The following CCDC169 variants were observed in gnomAD, a reference collection of about 807,000 sequenced individuals.
The protein encoded by CCDC169 is coiled-coil domain-containing protein 169.
A neutral mutation model predicts 36.0 loss-of-function variants in CCDC169; 30 were observed. That is an observed-to-expected ratio of 0.83 (90% CI 0.62 to 1.13). The LOEUF (loss-of-function observed/expected upper bound fraction) is 1.13. Ranked by LOEUF, CCDC169 falls within the 50% of genes most tolerant of loss-of-function variation. The pLI is 0.00. For synonymous variants in CCDC169, 85 were observed against 81.5 expected (o/e 1.04, Z -0.23); for missense variants, 245 against 245.9 (o/e 1.00, Z 0.03).
chr13:36,226,978 TA>T, downstream of CCDC169: 1 of 422,802 alleles, frequency 2.4e-6, no homozygotes, highest in Non-Finnish European at 4.2e-6. Context: ...GAAGAAAAAA[TA>T]AAATCCTTAT....
At chr13:36,279,712 G>A (rs1336083242) in intron 4 of CCDC169, among the ~76,000 whole-genome samples, 1 of 152,146 alleles carries the variant, frequency 6.6e-6, no homozygotes, top group Admixed American at 6.5e-5. Context: ...GCTTCTGCCT[G>A]TTTTTGTAAA....
At chr13:36,273,176 G>A (rs1487241871) in intron 4 of CCDC169, among the ~76,000 whole-genome samples, 1 of 152,076 alleles carries the variant, frequency 6.6e-6, no homozygotes, top group Non-Finnish European at 1.5e-5. Flanking sequence ...ATCATGTCTT[G>A]TCTAATAAAT....
At chr13:36,234,527 A>G (rs191070031) in intron 7 of CCDC169, among the ~76,000 whole-genome samples, 2 of 152,282 alleles carry the variant, frequency 1.3e-5, no homozygotes, top group Non-Finnish European at 2.9e-5. Context: ...CAGACACATC[A>G]TAATAAAACT....
chr13:36,249,379 G>C (rs945839902), intron 6 of CCDC169, among the ~76,000 whole-genome samples: 3 of 152,282 alleles, frequency 2.0e-5, no homozygotes, highest in Non-Finnish European at 4.4e-5. Flanking sequence ...AGGGAGGGTG[G>C]GGAGTATTCA....
At chr13:36,280,609 GT>G (rs1392202119) in intron 4 of CCDC169, 5 of 152,124 alleles carry the variant, frequency 3.3e-5, no homozygotes, top group African/African-American at 1.2e-4. Flanking sequence ...AAAACTAGCT[GT>G]AATCCTTTTT....
chr13:36,261,329 G>A (rs910819074), intron 4 of CCDC169, among the ~76,000 whole-genome samples: 4 of 152,098 alleles, frequency 2.6e-5, no homozygotes, highest in African/African-American at 9.6e-5. Context: ...AATAAGAGAC[G>A]ACAACATAAG....
At position 36,295,303 on chromosome 13, in the gene CCDC169, G is replaced by A. The variant is rs141453607; in HGVS notation, c.163+475C>T. Among the ~76,000 whole-genome samples the A allele has an allele frequency of 1.6e-4, 25 of 152,174 alleles. No individual in the cohort carries two copies. In the East Asian group the frequency reaches 4.6e-3, roughly 28 times the overall value. On this transcript the variant is annotated intron_variant, in intron 2 of 7. Coordinates refer to ENST00000239859, the MANE Select transcript of CCDC169 (RefSeq NM_001144981.3). The stretch of plus-strand genomic sequence containing the variant: ...CATTTAAAGTGTTGACATATGGCAG[G>A]GTCATATCTTGCATACATTACAAAT...
intron 2 of CCDC169, among the ~76,000 whole-genome samples, chr13:36,295,270 A>C (rs140031730): frequency 6.6e-4 from 100 of 152,330 alleles, no homozygotes; most frequent in African/African-American, 2.3e-3. Flanking sequence ...GGGAAAACAA[A>C]GGTCTTCCAT....
intron 7 of CCDC169, among the ~76,000 whole-genome samples, chr13:36,245,540 C>T (rs1438912387): frequency 6.6e-6 from 1 of 152,144 alleles, no homozygotes; most frequent in African/African-American, 2.4e-5. Context: ...TCAAGCAATC[C>T]TCCCGCCTCA....
At chr13:36,290,713 C>A (rs1878775245) in intron 2 of CCDC169, among the ~76,000 whole-genome samples, 1 of 152,080 alleles carries the variant, frequency 6.6e-6, no homozygotes. Context: ...ACTTTATAAT[C>A]TTATTTTTTG....
At chr13:36,289,678 T>C (rs1878638177) in intron 2 of CCDC169, among the ~76,000 whole-genome samples, 1 of 152,230 alleles carries the variant, frequency 6.6e-6, no homozygotes, top group Admixed American at 6.5e-5. Flanking sequence ...AAATAATTCA[T>C]ATGTTGTCTT....
chr13:36,267,582 G>A (rs968206261), intron 4 of CCDC169, among the ~76,000 whole-genome samples: 8 of 152,060 alleles, frequency 5.3e-5, no homozygotes, highest in Non-Finnish European at 1.0e-4. Context: ...CAATTAATAT[G>A]ATGAAGAGAA....
chr13:36,252,223 G>C (rs1238035168), intron 6 of CCDC169, among the ~76,000 whole-genome samples: 1 of 152,186 alleles, frequency 6.6e-6, no homozygotes, highest in African/African-American at 2.4e-5. Flanking sequence ...TGTGATCTAG[G>C]AGGAACCAGT....
chr13:36,223,179 C>A (rs927105111), downstream of CCDC169: 2 of 152,086 alleles, frequency 1.3e-5, no homozygotes, highest in Non-Finnish European at 2.9e-5. Flanking sequence ...GTATAATCAA[C>A]ATATATTTTA....
chr13:36,240,151 A>G (rs1418795861), intron 7 of CCDC169, among the ~76,000 whole-genome samples: 1 of 151,894 alleles, frequency 6.6e-6, no homozygotes, highest in Non-Finnish European at 1.5e-5. Flanking sequence ...CTTGCTTCTC[A>G]CTATTTTTTT....
intron 4 of CCDC169, among the ~76,000 whole-genome samples, chr13:36,255,979 G>T (rs1341155914): frequency 6.6e-6 from 1 of 152,130 alleles, no homozygotes; most frequent in East Asian, 1.9e-4. Context: ...GAGGTCAGTT[G>T]TCCCACTCCA....
chr13:36,227,369 T>C (rs758879084), downstream of CCDC169: 3 of 1,546,102 alleles, frequency 1.9e-6, no homozygotes, highest in South Asian at 3.6e-5. Flanking sequence ...CCAATTCTTC[T>C]TTTAAGAGGA....
intron 7 of CCDC169, among the ~76,000 whole-genome samples, chr13:36,232,601 G>C (rs539513344): frequency 1.3e-5 from 2 of 152,100 alleles, no homozygotes; most frequent in East Asian, 3.9e-4. Flanking sequence ...TTTGAGACCA[G>C]CCTGGCCAGT....
chr13:36,235,526 T>C (rs1870966947), intron 7 of CCDC169, among the ~76,000 whole-genome samples: 1 of 151,946 alleles, frequency 6.6e-6, no homozygotes, highest in African/African-American at 2.4e-5. Flanking sequence ...TAACATTATA[T>C]TTAATGTAAA....
Sources: gnomAD v4.1 joint callset for allele counts (sites outside exome capture counted in the v4.1 genomes callset) on GRCh38, gnomAD v4.1.1 for gene constraint, MANE v1.5 for transcripts, NCBI Gene and HGNC (gene_info 2026-07-23, HGNC 2026-07-21) for gene names.